Variants in SIPA1L1 observed in about 807,000 individuals in gnomAD.
SIPA1L1 encodes signal induced proliferation associated 1 like 1.
Under a neutral mutation model 162.7 loss-of-function variants are expected in SIPA1L1, and 26 were observed. The observed-to-expected ratio is 0.16, with a 90% CI of 0.12 to 0.22. The LOEUF is 0.22. Among genes scored for constraint, SIPA1L1 ranks in the 10% least tolerant of loss-of-function variants. SIPA1L1 has a pLI of 1.00. For missense variants in SIPA1L1, 1,874 were observed against 2,241.0 expected, an observed-to-expected ratio of 0.84 and a Z score of 3.31; for synonymous variants, 829 against 837.4, an observed-to-expected ratio of 0.99 and a Z score of 0.17.
intron 10 of SIPA1L1, among the ~76,000 whole-genome samples, chr14:71,669,752 G>A (rs2044340548): frequency 6.6e-6 from 1 of 152,168 alleles, no homozygotes; most frequent in East Asian, 1.9e-4. Flanking sequence ...GTCATGAAGT[G>A]AACTAGGTAG....
chr14:71,392,294 G>C (rs929533599), intron 2 of SIPA1L1, among the ~76,000 whole-genome samples: 1 of 152,134 alleles, frequency 6.6e-6, no homozygotes, highest in Admixed American at 6.5e-5. Flanking sequence ...TCTGTTGATC[G>C]CTTTCTTCTC....
intron 2 of SIPA1L1, among the ~76,000 whole-genome samples, chr14:71,453,664 AAAGT>A (rs936898900): frequency 4.6e-5 from 7 of 152,178 alleles, no homozygotes; most frequent in African/African-American, 1.7e-4. Context: ...TCATGAAATG[AAAGT>A]AAGAGATCCT....
intron 2 of SIPA1L1, among the ~76,000 whole-genome samples, chr14:71,361,370 TG>T (rs2037798269): frequency 2.0e-5 from 3 of 152,182 alleles, no homozygotes; most frequent in African/African-American, 7.2e-5. Context: ...GCTTATGGTC[TG>T]TATTTGTTCA....
chr14:71,639,722 T>C (rs1212108592), intron 7 of SIPA1L1, among the ~76,000 whole-genome samples: 1 of 152,202 alleles, frequency 6.6e-6, no homozygotes, highest in Non-Finnish European at 1.5e-5. Context: ...GCTGGAAAGA[T>C]AGACATGTGG....
At chr14:71,635,750 G>A (rs2041079712) in intron 7 of SIPA1L1, among the ~76,000 whole-genome samples, 1 of 152,072 alleles carries the variant, frequency 6.6e-6, no homozygotes, top group Non-Finnish European at 1.5e-5. Context: ...TTCATTAAAA[G>A]CAAAAGATCT....
chr14:71,675,232 C>G (rs765914303), intron 12 of SIPA1L1, among the ~76,000 whole-genome samples: 1 of 152,166 alleles, frequency 6.6e-6, no homozygotes, highest in Non-Finnish European at 1.5e-5. Context: ...CAGGCCTTCC[C>G]GGAGGAGCCA....
intron 13 of SIPA1L1, among the ~76,000 whole-genome samples, chr14:71,688,274 T>C (rs559020973): frequency 2.8e-4 from 42 of 152,296 alleles, no homozygotes; most frequent in Middle Eastern, 6.8e-3. Flanking sequence ...GAAATGCCCA[T>C]TGGAGGATTT....
chr14:71,475,685 A>T (rs1487044666), intron 2 of SIPA1L1, among the ~76,000 whole-genome samples: 1 of 152,238 alleles, frequency 6.6e-6, no homozygotes, highest in Non-Finnish European at 1.5e-5. Flanking sequence ...CTTCCAATGT[A>T]ACACATTTGT....
chr14:71,512,651 TG>T (rs1164732733), intron 2 of SIPA1L1, 91 bp from the exon 3 acceptor site: 2 of 74,790 alleles, frequency 2.7e-5, no homozygotes, highest in African/African-American at 1.1e-4. Flanking sequence ...ATCTTTTGTG[TG>T]TGGGGGGAAG....
intron 2 of SIPA1L1, among the ~76,000 whole-genome samples, chr14:71,376,878 AAGGCAGAG>A (rs1265725398): frequency 3.9e-5 from 6 of 152,310 alleles, no homozygotes; most frequent in African/African-American, 1.4e-4. Context: ...ACAGCATCCC[AAGGCAGAG>A]AAATTTTTCT....
At chr14:71,594,609 A>G (rs1411528933) in intron 5 of SIPA1L1, among the ~76,000 whole-genome samples, 1 of 152,196 alleles carries the variant, frequency 6.6e-6, no homozygotes, top group Non-Finnish European at 1.5e-5. Context: ...TGTTCTGCTG[A>G]ACCATGTTGT....
intron 5 of SIPA1L1, among the ~76,000 whole-genome samples, chr14:71,603,989 A>T (rs2037164561): frequency 1.4e-5 from 2 of 144,702 alleles, no homozygotes; most frequent in South Asian, 4.2e-4. Context: ...ATATATATTT[A>T]TATATATATA....
intron 20 of SIPA1L1, among the ~76,000 whole-genome samples, chr14:71,731,521 C>T (rs965728524): frequency 2.6e-5 from 4 of 152,202 alleles, no homozygotes; most frequent in Admixed American, 6.5e-5. Flanking sequence ...CTCCCTACAT[C>T]GGGGTCAGTC....
At chr14:71,426,599 C>G (rs1449941743) in intron 2 of SIPA1L1, among the ~76,000 whole-genome samples, 1 of 151,294 alleles carries the variant, frequency 6.6e-6, no homozygotes, top group African/African-American at 2.4e-5. Context: ...AAGCGATTCT[C>G]CTGCCTCAGC....
In SIPA1L1 at chr14:71,430,573, C is replaced by T. The variant is rs185003788; in HGVS notation, c.-464-82170C>T. ...TGTCAGTGCAGTGCCTCATAGGAAA[C>T]AAGCTGCACGGGACCAGAGAAATCA... On this transcript the variant is annotated intron_variant, in intron 2 of 23. Transcript: ENST00000381232. 1.1e-3 allele frequency among the ~76,000 whole-genome samples: 160 copies of T among 152,312 alleles called. 1 individual carries two copies. Among genetic ancestry groups the T allele is most frequent in the Middle Eastern group, 6.8e-3 (2 of 294 alleles).
chr14:71,438,564 A>G (rs567913806), intron 2 of SIPA1L1, among the ~76,000 whole-genome samples: 14 of 152,358 alleles, frequency 9.2e-5, no homozygotes, highest in Middle Eastern at 3.4e-3. Flanking sequence ...ATTCAACAGT[A>G]TACATTTATG....
At chr14:71,381,803 TCTC>T (rs1420767562) in intron 2 of SIPA1L1, among the ~76,000 whole-genome samples, 6 of 152,192 alleles carry the variant, frequency 3.9e-5, no homozygotes, top group Non-Finnish European at 5.9e-5. Flanking sequence ...GGTGCCCTCT[TCTC>T]TGTGAATATA....
chr14:71,561,748 C>T (rs1222625680), intron 4 of SIPA1L1, among the ~76,000 whole-genome samples: 1 of 152,156 alleles, frequency 6.6e-6, no homozygotes, highest in Non-Finnish European at 1.5e-5. Context: ...CCACCACGCC[C>T]AGCTAATTTT....
At chr14:71,368,210 G>T (rs2038545162) in intron 2 of SIPA1L1, among the ~76,000 whole-genome samples, 1 of 126,330 alleles carries the variant, frequency 7.9e-6, no homozygotes, top group South Asian at 2.5e-4. Flanking sequence ...TGCACATTGT[G>T]CAGGTTAGTT....
Sources: allele counts gnomAD v4.1 joint callset (sites outside exome capture counted in the v4.1 genomes callset), GRCh38; gene constraint gnomAD v4.1.1; transcripts MANE v1.5; gene names NCBI Gene and HGNC (gene_info 2026-07-23, HGNC 2026-07-21).